The following MAF variants were observed in gnomAD, a reference collection of about 807,000 sequenced individuals.
MAF encodes transcription factor Maf.
In MAF, 10 loss-of-function variants were observed where a neutral mutation model predicts 22.0. That is an observed-to-expected ratio of 0.45 (90% CI 0.28 to 0.77). The LOEUF (loss-of-function observed/expected upper bound fraction) is 0.77, where lower values mean the gene tolerates loss of function less well. MAF is among the 30% of genes least tolerant of loss of function. MAF has a pLI of 0.12. For missense variants in MAF, 544 were observed against 548.4 expected (o/e 0.99, Z 0.08); for synonymous variants, 337 against 255.8 (o/e 1.32, Z -3.03).
the MAF span, among the ~76,000 whole-genome samples, chr16:79,536,930 C>T: frequency 4.6e-5 from 7 of 152,250 alleles, no homozygotes; most frequent in East Asian, 1.2e-3. Context: ...GAACCAATTA[C>T]CTCACAGATA....
chr16:79,257,882 A>G, the MAF span, among the ~76,000 whole-genome samples: 7 of 152,202 alleles, frequency 4.6e-5, no homozygotes, highest in Non-Finnish European at 1.0e-4. Flanking sequence ...AGAGATGTGT[A>G]TAACAGTGGC....
the MAF span, among the ~76,000 whole-genome samples, chr16:79,465,232 T>C: frequency 1.3e-5 from 2 of 152,180 alleles, no homozygotes; most frequent in Non-Finnish European, 2.9e-5. Flanking sequence ...AACCCATGGA[T>C]ACAGAGGGCC....
chr16:79,432,576 C>A, the MAF span, among the ~76,000 whole-genome samples: 7 of 151,782 alleles, frequency 4.6e-5, no homozygotes, highest in Admixed American at 2.0e-4. Flanking sequence ...TGAAACAGTA[C>A]AAAACAAAAC....
At chr16:79,389,040 C>T in the MAF span, among the ~76,000 whole-genome samples, 1 of 152,140 alleles carries the variant, frequency 6.6e-6, no homozygotes, top group Non-Finnish European at 1.5e-5. Context: ...AACAATAATT[C>T]ACTGCAAAAA....
the MAF span, among the ~76,000 whole-genome samples, chr16:79,418,083 A>G: frequency 6.6e-6 from 1 of 152,112 alleles, no homozygotes; most frequent in Non-Finnish European, 1.5e-5. Flanking sequence ...TTACATCTCA[A>G]GTGTGCAACT....
At chr16:79,276,922 G>C in the MAF span, among the ~76,000 whole-genome samples, 1 of 152,140 alleles carries the variant, frequency 6.6e-6, no homozygotes, top group African/African-American at 2.4e-5. Context: ...TCTGGTGGCG[G>C]CGGGCAATCC....
the MAF span, among the ~76,000 whole-genome samples, chr16:79,474,262 G>C: frequency 6.6e-6 from 1 of 152,178 alleles, no homozygotes; most frequent in Admixed American, 6.5e-5. Flanking sequence ...AACGCATTTT[G>C]TATTCGCCTC....
the MAF span, among the ~76,000 whole-genome samples, chr16:79,346,862 T>A: frequency 6.6e-6 from 1 of 152,234 alleles, no homozygotes; most frequent in South Asian, 2.1e-4. Context: ...AAGGGAGAAT[T>A]GGCAGATGAT....
At chr16:79,403,663 C>G in the MAF span, among the ~76,000 whole-genome samples, 1 of 152,190 alleles carries the variant, frequency 6.6e-6, no homozygotes, top group African/African-American at 2.4e-5. Flanking sequence ...TCTAGCAAGG[C>G]TCACACCATG....
the MAF span, among the ~76,000 whole-genome samples, chr16:79,394,276 G>A: frequency 6.6e-6 from 1 of 152,192 alleles, no homozygotes; most frequent in Non-Finnish European, 1.5e-5. Flanking sequence ...GCGGCAGCTT[G>A]ATTGGATCTC....
chr16:79,381,990 C>T, the MAF span, among the ~76,000 whole-genome samples: 1 of 152,164 alleles, frequency 6.6e-6, no homozygotes, highest in Non-Finnish European at 1.5e-5. Context: ...GACAGGGTAC[C>T]ATTTATCACT....
At chr16:79,206,202 G>A in the MAF span, 1 of 152,224 alleles carries the variant, frequency 6.6e-6, no homozygotes, top group Non-Finnish European at 1.5e-5. Context: ...GGCCATGTTA[G>A]GGCATCACCT....
At chr16:79,567,638 T>C in the MAF span, among the ~76,000 whole-genome samples, 51 of 152,354 alleles carry the variant, frequency 3.3e-4, no homozygotes, top group African/African-American at 1.0e-3. Flanking sequence ...AGGTGAAGCA[T>C]GGCCTCTCCC....
At chr16:79,248,330 A>C in the MAF span, among the ~76,000 whole-genome samples, 70,632 of 152,044 alleles carry the variant, frequency 0.46, 16,868 homozygotes, top group Non-Finnish European at 0.52. Flanking sequence ...AATACAATAC[A>C]GTGTCTGCAA....
chr16:79,459,563 T>A, the MAF span, among the ~76,000 whole-genome samples: 1 of 152,088 alleles, frequency 6.6e-6, no homozygotes, highest in Non-Finnish European at 1.5e-5. Context: ...TTCAATAAGT[T>A]CTTACTTATT....
the MAF span, among the ~76,000 whole-genome samples, chr16:79,520,401 C>A: frequency 2.6e-5 from 4 of 152,132 alleles, no homozygotes; most frequent in African/African-American, 4.8e-5. Flanking sequence ...CAGGAGCTGG[C>A]CCCATGGCAC....
chr16:79,558,382 G>A, the MAF span, among the ~76,000 whole-genome samples: 1 of 152,150 alleles, frequency 6.6e-6, no homozygotes, highest in South Asian at 2.1e-4. Flanking sequence ...GAAATATCAT[G>A]GCTTAAAGTC....
chr16:79,499,996 T>G, the MAF span, among the ~76,000 whole-genome samples: 1 of 151,966 alleles, frequency 6.6e-6, no homozygotes, highest in Non-Finnish European at 1.5e-5. Context: ...GGCAGACACA[T>G]AGAGAGGTTA....
the MAF span, among the ~76,000 whole-genome samples, chr16:79,547,924 G>GAT: frequency 0.27 from 39,681 of 148,332 alleles, 6,102 homozygotes; most frequent in Middle Eastern, 0.38. Flanking sequence ...GAGAGATAGA[G>GAT]AGAGAGAGAG....
Sources: gnomAD v4.1 joint callset for allele counts (sites outside exome capture counted in the v4.1 genomes callset) on GRCh38, gnomAD v4.1.1 for gene constraint, MANE v1.5 for transcripts, NCBI Gene and HGNC (gene_info 2026-07-23, HGNC 2026-07-21) for gene names.